The following COL26A1 variants were observed in gnomAD, a reference collection of about 807,000 sequenced individuals.
The protein encoded by COL26A1 is collagen alpha-1(XXVI) chain.
COL26A1 carries 41 observed loss-of-function variants against 59.3 expected under a neutral mutation model. The observed-to-expected ratio is 0.69, with a 90% CI of 0.54 to 0.90. The LOEUF (loss-of-function observed/expected upper bound fraction) is 0.90. Ranked by LOEUF, COL26A1 falls within the 40% of genes least tolerant of loss-of-function variation. The probability of loss-of-function intolerance (pLI) is 0.00; values close to 1 mark genes in which losing one functional copy is unlikely to be tolerated. For synonymous variants in COL26A1, 266 were observed against 256.0 expected, an observed-to-expected ratio of 1.04 and a Z score of -0.37; for missense variants, 612 against 602.3, an observed-to-expected ratio of 1.02 and a Z score of -0.17.
At chr7:101,539,100 C>T (rs2130652000) in intron 4 of COL26A1, among the ~76,000 whole-genome samples, 1 of 152,314 alleles carries the variant, frequency 6.6e-6, no homozygotes, top group East Asian at 1.9e-4. Flanking sequence ...GTCTCAGCCA[C>T]CTTTGACTCC....
At chr7:101,367,537 C>T (rs553148264) in intron 1 of COL26A1, among the ~76,000 whole-genome samples, 1 of 94,224 alleles carries the variant, frequency 1.1e-5, no homozygotes, top group African/African-American at 7.1e-5. Flanking sequence ...TGGTGGTGCA[C>T]ACCGGTAGTC....
chr7:101,385,706 ATTTATTTG>A (rs1791557673), intron 1 of COL26A1, among the ~76,000 whole-genome samples: 1 of 148,494 alleles, frequency 6.7e-6, no homozygotes, highest in African/African-American at 2.5e-5. Context: ...TAATTTTTTA[ATTTATTTG>A]TTTATTTGTT....
intron 1 of COL26A1, among the ~76,000 whole-genome samples, chr7:101,367,189 G>A (rs1053243134): frequency 4.6e-5 from 7 of 152,146 alleles, no homozygotes; most frequent in African/African-American, 1.7e-4. Context: ...TTCATAGGTG[G>A]TCTAGTCTAC....
At chr7:101,452,328 G>T (rs1223701912) in intron 3 of COL26A1, among the ~76,000 whole-genome samples, 1 of 152,256 alleles carries the variant, frequency 6.6e-6, no homozygotes, top group Non-Finnish European at 1.5e-5. Context: ...GTTCATGTGG[G>T]GCTGTGGACC....
rs747999760 is a variant in COL26A1, at chr7:101,457,894, CTTTTTTT to C, written c.385+10121_385+10127del. ...TTTGCTAGGTTGTGGTATAGCTTAA[CTTTTTTT>C]TTTTTTTTTTTTTGAAATGGAGTCT... is the stretch of plus-strand genomic sequence containing the variant. On this transcript the variant is annotated intron_variant, in intron 3 of 12. Coordinates refer to ENST00000313669, the MANE Select transcript of COL26A1 (RefSeq NM_001278563.3). Among the ~76,000 whole-genome samples, 5 of 113,680 alleles carry C rather than the reference CTTTTTTT, an allele frequency of 4.4e-5. No individual in the cohort carries two copies. In the East Asian group the frequency reaches 9.2e-4, roughly 21 times the overall value. The allele number at this position is 113,680 out of a possible 152,430, so 74.6% of individuals were successfully genotyped here.
chr7:101,373,377 A>G (rs966017252), intron 1 of COL26A1, among the ~76,000 whole-genome samples: 3 of 152,226 alleles, frequency 2.0e-5, no homozygotes, highest in Non-Finnish European at 2.9e-5. Flanking sequence ...TTGGTTTGCA[A>G]TGGCAGCAAA....
intron 3 of COL26A1, among the ~76,000 whole-genome samples, chr7:101,527,104 A>G (rs1795263219): frequency 1.3e-5 from 2 of 149,440 alleles, no homozygotes; most frequent in African/African-American, 4.9e-5. Context: ...CTGAGTAGCT[A>G]GGATTACAGG....
rs1796013448 is a variant in COL26A1 at position 101,557,664 on chromosome 7, T to G, written c.*134T>G. On this transcript the variant is annotated 3_prime_UTR_variant, in exon 13 of 13. Transcript: ENST00000313669. ...GATGATTGTGAGGACATGGGGGGCT[T>G]TGGGGACAGATAATGTCTCCAGGGG... 1.1e-6 allele frequency: 1 copy of G among 907,448 alleles called. No homozygotes were observed. The highest frequency in any genetic ancestry group is 1.7e-5 in the African/African-American group (1 of 59,970). The allele number at this position is 907,448 out of a possible 1,614,324, so 56.2% of individuals were successfully genotyped here.
intron 3 of COL26A1, among the ~76,000 whole-genome samples, chr7:101,489,605 CTTT>C (rs1794341788): frequency 3.6e-5 from 1 of 28,112 alleles, no homozygotes; most frequent in Non-Finnish European, 6.1e-5. Context: ...CTTTCTTTTT[CTTT>C]CTTTCTTTCT....
intron 2 of COL26A1, among the ~76,000 whole-genome samples, chr7:101,421,987 C>A (rs966870497): frequency 6.6e-6 from 1 of 152,070 alleles, no homozygotes; most frequent in Non-Finnish European, 1.5e-5. Context: ...GCTAGGTAAA[C>A]GGAATGTCAT....
intron 3 of COL26A1, among the ~76,000 whole-genome samples, chr7:101,480,241 A>G (rs551249299): frequency 5.9e-4 from 90 of 152,192 alleles, no homozygotes; most frequent in African/African-American, 2.1e-3. Flanking sequence ...ATATTCTCAG[A>G]TCTAGCTTTC....
At chr7:101,362,792 T>G, upstream of COL26A1, 1 of 521,086 alleles carries the variant, frequency 1.9e-6, no homozygotes. Context: ...CGCCGAGGGT[T>G]AACAAAAAAG....
intron 7 of COL26A1, 102 bp downstream of exon 7, chr7:101,545,592 T>C: frequency 8.0e-7 from 1 of 1,256,292 alleles, no homozygotes. Context: ...CCCCACCACA[T>C]GCCCATCCTG....
In COL26A1 at chr7:101,553,376, G is replaced by A. The variant is rs750113118; in HGVS notation, c.1080G>A (p.Glu360=). ...GEEGEKAATA[E]GEGVQQLREA... ...AAGGAGAGAAAGCCGCCACTGCAGA[G>A]GTAACCATGGCTGCCCTTCACGTTC... Residue 360 remains glutamate (E), a splice_region_variant and synonymous_variant, in exon 11 of 13, where the codon GAG becomes GAA. Coordinates refer to ENST00000313669, the MANE Select transcript of COL26A1 (RefSeq NM_001278563.3). 13 of 1,613,664 alleles carry A rather than the reference G, an allele frequency of 8.1e-6. No homozygotes were observed. Among genetic ancestry groups the A allele is most frequent in the Non-Finnish European group, 9.3e-6 (11 of 1,179,748 alleles).
chr7:101,502,892 G>A (rs1794734509), intron 3 of COL26A1, among the ~76,000 whole-genome samples: 1 of 152,276 alleles, frequency 6.6e-6, no homozygotes, highest in Non-Finnish European at 1.5e-5. Context: ...CATTCTCTAA[G>A]GGGCGGGAGC....
intron 1 of COL26A1, among the ~76,000 whole-genome samples, chr7:101,370,052 G>A (rs1012857130): frequency 6.6e-6 from 1 of 151,846 alleles, no homozygotes; most frequent in East Asian, 1.9e-4. Context: ...TGTAGAGATG[G>A]GTTTCTCCAT....
chr7:101,445,150 A>G (rs1226815468), intron 2 of COL26A1, among the ~76,000 whole-genome samples: 3 of 151,766 alleles, frequency 2.0e-5, no homozygotes, highest in Non-Finnish European at 4.4e-5. Flanking sequence ...CAGGTACTTT[A>G]TGTTTACTAT....
At chr7:101,388,792 T>C (rs141624643) in intron 1 of COL26A1, 4,404 of 152,936 alleles carry the variant, frequency 0.029, 211 homozygotes, top group African/African-American at 0.099. Flanking sequence ...GGTCTCAAAC[T>C]CCTGACCTCA....
chr7:101,531,824 T>C (rs1289579960), intron 3 of COL26A1, among the ~76,000 whole-genome samples: 1 of 151,940 alleles, frequency 6.6e-6, no homozygotes, highest in Non-Finnish European at 1.5e-5. Flanking sequence ...TTGCGTTCGA[T>C]GACAAAGACG....
Sources: allele counts gnomAD v4.1 joint callset (sites outside exome capture counted in the v4.1 genomes callset), GRCh38; gene constraint gnomAD v4.1.1; transcripts MANE v1.5; gene names NCBI Gene and HGNC (gene_info 2026-07-23, HGNC 2026-07-21).